Variants in ACTR3C observed in about 807,000 individuals in gnomAD.
The protein encoded by ACTR3C is actin-related protein 3C.
ACTR3C carries 18 observed loss-of-function variants against 26.3 expected under a neutral mutation model. That is an observed-to-expected ratio of 0.68 (90% CI 0.47 to 1.01). ACTR3C has a LOEUF of 1.01. Ranked by LOEUF, ACTR3C falls within the 50% of genes least tolerant of loss-of-function variation. The pLI is 0.00. For synonymous variants in ACTR3C, 55 were observed against 94.5 expected (o/e 0.58, Z 2.42); for missense variants, 184 against 250.7 (o/e 0.73, Z 1.80).
At chr7:149,883,064 C>CT in the ACTR3C span, among the ~76,000 whole-genome samples, 2 of 152,300 alleles carry the variant, frequency 1.3e-5, no homozygotes, top group African/African-American at 2.4e-5. Flanking sequence ...AGGTACGACT[C>CT]TAAGTGTTTT....
the ACTR3C span, among the ~76,000 whole-genome samples, chr7:149,969,439 C>T: frequency 9.3e-4 from 141 of 151,986 alleles, no homozygotes; most frequent in Non-Finnish European, 1.8e-3. Context: ...GTGCACAGCT[C>T]GTGTACAGCA....
At chr7:150,225,870 C>T in the ACTR3C span, among the ~76,000 whole-genome samples, 1 of 152,160 alleles carries the variant, frequency 6.6e-6, no homozygotes, top group Non-Finnish European at 1.5e-5. Context: ...CTATTCACTC[C>T]CCAACCCCTG....
chr7:150,021,009 C>T, the ACTR3C span, among the ~76,000 whole-genome samples: 1 of 151,994 alleles, frequency 6.6e-6, no homozygotes, highest in Non-Finnish European at 1.5e-5. Flanking sequence ...TTAGTAGGGA[C>T]AGGGTTTCAC....
the ACTR3C span, among the ~76,000 whole-genome samples, chr7:149,959,324 T>C: frequency 1.3e-5 from 2 of 150,488 alleles, no homozygotes; most frequent in African/African-American, 4.9e-5. Context: ...GACACCAGCC[T>C]GCTCTGCAAT....
At chr7:150,010,693 CAAA>C in the ACTR3C span, among the ~76,000 whole-genome samples, 10 of 118,024 alleles carry the variant, frequency 8.5e-5, no homozygotes, top group African/African-American at 2.3e-4. Flanking sequence ...GACTCCATCT[CAAA>C]AAAAAAAAAA....
chr7:149,913,220 A>G, the ACTR3C span, among the ~76,000 whole-genome samples: 1 of 152,200 alleles, frequency 6.6e-6, no homozygotes, highest in Non-Finnish European at 1.5e-5. Context: ...TCACAGCTCA[A>G]TGCCATGAAG....
the ACTR3C span, among the ~76,000 whole-genome samples, chr7:149,896,739 GTAAA>G: frequency 6.6e-6 from 1 of 151,782 alleles, no homozygotes; most frequent in Non-Finnish European, 1.5e-5. Context: ...CAGAGATCAG[GTAAA>G]TAAATTATAT....
chr7:150,291,702 GGGGTGCA>G, intron 3 of ACTR3C, among the ~76,000 whole-genome samples: 1 of 151,980 alleles, frequency 6.6e-6, no homozygotes, highest in South Asian at 2.1e-4. Context: ...AGAACCAAAG[GGGGTGCA>G]GGCCAGGGGC....
chr7:150,044,252 C>T, the ACTR3C span, among the ~76,000 whole-genome samples: 2 of 152,140 alleles, frequency 1.3e-5, no homozygotes, highest in Non-Finnish European at 2.9e-5. Flanking sequence ...CACAGTTAAT[C>T]CAAATGAAAG....
the ACTR3C span, among the ~76,000 whole-genome samples, chr7:149,885,204 C>T: frequency 1.6e-4 from 25 of 152,154 alleles, 1 homozygote; most frequent in Admixed American, 1.3e-4. Flanking sequence ...AACCACTGCC[C>T]TAGAACCTCA....
chr7:150,203,402 T>C, the ACTR3C span, among the ~76,000 whole-genome samples: 1 of 152,222 alleles, frequency 6.6e-6, no homozygotes, highest in East Asian at 1.9e-4. Flanking sequence ...TAAAATAAAG[T>C]ATCAAGTAAG....
intron 1 of ACTR3C, among the ~76,000 whole-genome samples, chr7:150,307,189 A>G (rs1337366143): frequency 6.6e-6 from 1 of 152,240 alleles, no homozygotes; most frequent in Non-Finnish European, 1.5e-5. Context: ...CATTTTAGGG[A>G]GATAGGAAAT....
the ACTR3C span, among the ~76,000 whole-genome samples, chr7:150,149,632 G>T: frequency 6.6e-5 from 10 of 151,830 alleles, no homozygotes; most frequent in African/African-American, 2.4e-4. Context: ...TCAGAATAAT[G>T]GTTTCCAGCT....
the ACTR3C span, among the ~76,000 whole-genome samples, chr7:150,104,683 C>A: frequency 1.3e-5 from 2 of 151,916 alleles, no homozygotes; most frequent in Admixed American, 6.6e-5. Context: ...ACAATCCTAG[C>A]CCCTGCAGAA....
At chr7:150,164,561 C>G in the ACTR3C span, among the ~76,000 whole-genome samples, 3 of 151,598 alleles carry the variant, frequency 2.0e-5, no homozygotes, top group Non-Finnish European at 4.4e-5. Context: ...ATGCATTTCC[C>G]GAATAGGCAA....
chr7:150,240,634 TA>T (rs1293474718), downstream of ACTR3C, among the ~76,000 whole-genome samples: 3 of 152,066 alleles, frequency 2.0e-5, no homozygotes, highest in Non-Finnish European at 2.9e-5. Context: ...GATATGGGTA[TA>T]AAAAAATTAA....
the ACTR3C span, chr7:150,047,924 C>T: frequency 1.0e-5 from 13 of 1,297,898 alleles, no homozygotes; most frequent in East Asian, 6.0e-4. Flanking sequence ...GTTCCCACTC[C>T]CCACCCCGCT....
chr7:150,264,235 G>A (rs1440899986), intron 6 of ACTR3C, among the ~76,000 whole-genome samples: 2 of 152,220 alleles, frequency 1.3e-5, no homozygotes, highest in African/African-American at 2.4e-5. Flanking sequence ...CTTCCTCACC[G>A]TGAAACGTCA....
the ACTR3C span, among the ~76,000 whole-genome samples, chr7:149,988,401 G>A: frequency 3.1e-4 from 47 of 152,124 alleles, no homozygotes; most frequent in Non-Finnish European, 7.3e-5. Context: ...GGAGAGCATC[G>A]GTGTTCTCCA....
Sources: gnomAD v4.1 joint callset for allele counts (sites outside exome capture counted in the v4.1 genomes callset) on GRCh38, gnomAD v4.1.1 for gene constraint, MANE v1.5 for transcripts, NCBI Gene and HGNC (gene_info 2026-07-23, HGNC 2026-07-21) for gene names.